C1QTNF5: variants seen among roughly 807,000 people sequenced by gnomAD.
C1QTNF5 encodes C1q and TNF related 5, also known as complement C1q tumor necrosis factor-related protein 5.
Under a neutral mutation model 10.9 loss-of-function variants are expected in C1QTNF5, and 5 were observed. The ratio of observed to expected loss-of-function variants is 0.46; its 90% CI spans 0.24 to 0.97. The LOEUF (loss-of-function observed/expected upper bound fraction) is 0.97. Ranked by LOEUF, C1QTNF5 falls within the 50% of genes least tolerant of loss-of-function variation. C1QTNF5 has a pLI of 0.19. For missense variants in C1QTNF5, 281 were observed against 339.4 expected, an observed-to-expected ratio of 0.83 and a Z score of 1.35; for synonymous variants, 161 against 156.5, an observed-to-expected ratio of 1.03 and a Z score of -0.22.
At chr11:119,342,584 C>T (rs771999204), upstream of C1QTNF5, 4 of 1,612,684 alleles carry the variant, frequency 2.5e-6, no homozygotes, top group Non-Finnish European at 3.4e-6. Flanking sequence ...TCCCCAGGGG[C>T]AGGCTTCTCA....
At chr11:119,345,040 A>G (rs769739792), upstream of C1QTNF5, 41 of 1,589,912 alleles carry the variant, frequency 2.6e-5, no homozygotes, top group East Asian at 9.0e-4. Flanking sequence ...GGGAGGCTCC[A>G]AGAGCAGGGT....
upstream of C1QTNF5, chr11:119,343,056 C>G: frequency 3.9e-6 from 6 of 1,555,540 alleles, no homozygotes; most frequent in Non-Finnish European, 5.2e-6. Flanking sequence ...ACTGAGGGGG[C>G]ACTGCAGCCT....
chr11:119,340,311 C>A lies in C1QTNF5; in HGVS notation c.87G>T (p.Pro29=), dbSNP rs1256963140. 6.5e-7 allele frequency: 1 copy of A among 1,539,128 alleles called. No homozygotes were observed. The highest frequency in any genetic ancestry group is 8.7e-7 in the Non-Finnish European group (1 of 1,143,628). ...LDDNKIPSLC[P]GHPGLPGTPG... is the part of the protein sequence containing the mutation. ...GCGTGCCTGGAAGGCCGGGGTGCCC[C>A]GGGCAGAGGCTGGGGATCTTGTTGT... Residue 29 remains proline, a synonymous_variant, in exon 2 of 3, where the codon CCG becomes CCT. Transcript: ENST00000528368.
chr11:119,343,897 A>G (rs745442547), upstream of C1QTNF5: 3 of 1,613,682 alleles, frequency 1.9e-6, no homozygotes, highest in Non-Finnish European at 2.5e-6. Context: ...CTGAGCCTCC[A>G]GGCTGAAGTT....
At chr11:119,345,124 A>G (rs1950547370), upstream of C1QTNF5, 1 of 1,344,140 alleles carries the variant, frequency 7.4e-7, no homozygotes, top group Non-Finnish European at 1.0e-6. Context: ...ATGTGGTCAA[A>G]AAGGCTCCTC....
chr11:119,346,631 G>T, the C1QTNF5 span: 34 of 1,026,796 alleles, frequency 3.3e-5, no homozygotes, highest in Non-Finnish European at 4.8e-5. Context: ...CGAGGGAAAA[G>T]GCTGCCAGGC....
Position 119,340,427 on chromosome 11 carries a change from G to T in C1QTNF5, c.-30C>A. ...CTGGCACCGGGAGCCCGGACGCCGGGGTCCTCTCGCAGTCTGTGGACCAGG... is the reference window on the plus strand; with the variant it reads ...CTGGCACCGGGAGCCCGGACGCCGGTGTCCTCTCGCAGTCTGTGGACCAGG... On this transcript the variant is annotated 5_prime_UTR_variant, in exon 2 of 3. Coordinates refer to ENST00000528368, the MANE Select transcript of C1QTNF5 (RefSeq NM_001278431.2). 1 of 1,537,848 alleles carries T rather than the reference G, an allele frequency of 6.5e-7. No homozygotes were observed. The highest frequency in any genetic ancestry group is 8.7e-7 in the Non-Finnish European group (1 of 1,143,726).
upstream of C1QTNF5, chr11:119,344,369 G>C (rs767165696): frequency 1.9e-6 from 3 of 1,613,948 alleles, no homozygotes; most frequent in East Asian, 6.7e-5. Context: ...TGCCCTGGAG[G>C]CCAGTCAGAT....
intron 1 of C1QTNF5, 94 bp from the exon 2 acceptor site, chr11:119,340,534 G>T: frequency 1.1e-6 from 1 of 924,930 alleles, no homozygotes; most frequent in Non-Finnish European, 1.6e-6. Context: ...CCACCCCACT[G>T]CCGTGCCCCT....
At chr11:119,343,965 C>T, upstream of C1QTNF5, 1 of 1,612,366 alleles carries the variant, frequency 6.2e-7, no homozygotes, top group Non-Finnish European at 8.5e-7. Flanking sequence ...AGGTGCAGAG[C>T]TGGGGGAGGG....
upstream of C1QTNF5, chr11:119,344,800 C>T: frequency 6.2e-7 from 1 of 1,613,708 alleles, no homozygotes; most frequent in Non-Finnish European, 8.5e-7. Context: ...GGAGTCTCCA[C>T]CCCTTTGACA....
At chr11:119,344,229 C>T (rs1950534147), upstream of C1QTNF5, 1 of 1,295,770 alleles carries the variant, frequency 7.7e-7, no homozygotes, top group South Asian at 1.2e-5. Context: ...AAGGTAGTGT[C>T]TACCATGCCA....
chr11:119,344,239 A>C (rs1950534302), upstream of C1QTNF5: 1 of 1,365,322 alleles, frequency 7.3e-7, no homozygotes, highest in South Asian at 1.2e-5. Flanking sequence ...CTACCATGCC[A>C]TTCCCATTAC....
At chr11:119,346,006 A>T in the C1QTNF5 span, 2 of 1,613,046 alleles carry the variant, frequency 1.2e-6, no homozygotes, top group Non-Finnish European at 1.7e-6. Context: ...ATGGAGTTTC[A>T]TTCCAAAGCC....
upstream of C1QTNF5, chr11:119,342,597 T>TG: frequency 6.2e-7 from 1 of 1,613,094 alleles, no homozygotes. Context: ...GCTTCTCACC[T>TG]GGGGGTGGGA....
chr11:119,346,064 C>T, the C1QTNF5 span: 8 of 1,610,394 alleles, frequency 5.0e-6, no homozygotes, highest in Middle Eastern at 1.6e-4. Context: ...ATGATGGCCA[C>T]CAGCAGCCCA....
the C1QTNF5 span, chr11:119,346,288 G>T: frequency 1.9e-6 from 3 of 1,613,460 alleles, no homozygotes; most frequent in Middle Eastern, 1.6e-4. Flanking sequence ...AGGGAGCTGG[G>T]ACGCTGTAGC....
At chr11:119,341,141 G>T, upstream of C1QTNF5, 1 of 246,328 alleles carries the variant, frequency 4.1e-6, no homozygotes, top group Non-Finnish European at 8.0e-6. Flanking sequence ...GAGAGTTCTA[G>T]AGGCAGACAG....
At chr11:119,341,419 C>T (rs1010127845), upstream of C1QTNF5, 2 of 758,472 alleles carry the variant, frequency 2.6e-6, no homozygotes, top group Admixed American at 2.7e-5. Flanking sequence ...ACTTCTCTTC[C>T]CCCTCCCTGG....
Sources: gnomAD v4.1 joint callset for allele counts on GRCh38, gnomAD v4.1.1 for gene constraint, MANE v1.5 for transcripts, NCBI Gene and HGNC (gene_info 2026-07-23, HGNC 2026-07-21) for gene names.